Variants in KCNIP4 observed in about 807,000 individuals in gnomAD.
The protein encoded by KCNIP4 is Kv channel-interacting protein 4.
In KCNIP4, 12 loss-of-function variants were observed where a neutral mutation model predicts 34.0. The ratio of observed to expected loss-of-function variants is 0.35; its 90% CI spans 0.23 to 0.57. The LOEUF (loss-of-function observed/expected upper bound fraction) is 0.57. Ranked by LOEUF, KCNIP4 falls within the 20% of genes least tolerant of loss-of-function variation. The pLI is 0.83. For synonymous variants in KCNIP4, 124 were observed against 102.2 expected (o/e 1.21, Z -1.29); for missense variants, 238 against 311.7 (o/e 0.76, Z 1.78).
intron 1 of KCNIP4, among the ~76,000 whole-genome samples, chr4:21,244,591 C>T (rs6448038): frequency 0.47 from 71,150 of 151,982 alleles, 17,868 homozygotes; most frequent in African/African-American, 0.66. Context: ...AAAATGTCTT[C>T]CCAGTTGAAT....
At chr4:21,200,008 A>G (rs985582779) in intron 1 of KCNIP4, among the ~76,000 whole-genome samples, 1 of 151,860 alleles carries the variant, frequency 6.6e-6, no homozygotes. Flanking sequence ...ACCTGGACAC[A>G]GGAAGGGGAA....
chr4:21,179,669 A>G (rs1282880327), intron 1 of KCNIP4, among the ~76,000 whole-genome samples: 1 of 152,224 alleles, frequency 6.6e-6, no homozygotes, highest in East Asian at 1.9e-4. Flanking sequence ...AAATGCATAC[A>G]TGCTATTTCT....
intron 1 of KCNIP4, among the ~76,000 whole-genome samples, chr4:21,808,410 T>C (rs1343465688): frequency 6.6e-6 from 1 of 152,168 alleles, no homozygotes; most frequent in African/African-American, 2.4e-5. Context: ...CACTTCCACT[T>C]AATAAATAGT....
At chr4:21,229,628 C>T (rs903949634) in intron 1 of KCNIP4, among the ~76,000 whole-genome samples, 2 of 152,108 alleles carry the variant, frequency 1.3e-5, no homozygotes, top group African/African-American at 4.8e-5. Context: ...GAGTGTTTTG[C>T]ACTGCATAAT....
chr4:21,093,450 C>CT (rs1747173737), intron 1 of KCNIP4, among the ~76,000 whole-genome samples: 1 of 152,164 alleles, frequency 6.6e-6, no homozygotes, highest in Non-Finnish European at 1.5e-5. Flanking sequence ...AACTTTAACA[C>CT]TGTGCCCCAG....
intron 1 of KCNIP4, among the ~76,000 whole-genome samples, chr4:21,129,520 TCTTCATCCAAG>T (rs1261460429): frequency 6.6e-6 from 1 of 152,206 alleles, no homozygotes; most frequent in Non-Finnish European, 1.5e-5. Context: ...GAACCCATGC[TCTTCATCCAAG>T]CATCATTGTG....
At chr4:21,750,526 TA>T (rs1349432840) in intron 1 of KCNIP4, among the ~76,000 whole-genome samples, 3 of 152,130 alleles carry the variant, frequency 2.0e-5, no homozygotes, top group Non-Finnish European at 2.9e-5. Context: ...ATGGTTTGAC[TA>T]ACAAGTAAAT....
At chr4:21,246,130 A>T (rs1760184139) in intron 1 of KCNIP4, among the ~76,000 whole-genome samples, 1 of 152,158 alleles carries the variant, frequency 6.6e-6, no homozygotes, top group Non-Finnish European at 1.5e-5. Context: ...CAGTCTACAG[A>T]TGGGTCACAG....
chr4:21,020,705 T>A (rs973208135), intron 1 of KCNIP4, among the ~76,000 whole-genome samples: 2 of 152,188 alleles, frequency 1.3e-5, no homozygotes, highest in Admixed American at 6.5e-5. Flanking sequence ...TTTTTCATGA[T>A]CAAGATTATA....
At position 20,920,912 on chromosome 4, in the gene KCNIP4, C is replaced by A. The variant is rs572825823; in HGVS notation, c.62-38203G>T. On this transcript the variant is annotated intron_variant, in intron 1 of 8. Coordinates refer to ENST00000382152, the MANE Select transcript of KCNIP4 (RefSeq NM_025221.6). ...GCTGAGGCAGGAGAATTGCTTGAAC[C>A]CGGGAGGTGGAGTTTGCAGTGAGCC... Among the ~76,000 whole-genome samples the A allele has an allele frequency of 1.1e-4, 16 of 152,138 alleles. No individual in the cohort carries two copies. In the South Asian group the frequency reaches 2.5e-3, roughly 24 times the overall value.
chr4:21,519,027 G>A (rs1735024623), intron 1 of KCNIP4, among the ~76,000 whole-genome samples: 1 of 152,066 alleles, frequency 6.6e-6, no homozygotes, highest in African/African-American at 2.4e-5. Context: ...GCAAACCGAA[G>A]AAAATGGGGC....
At chr4:20,781,553 T>G (rs1756871160) in intron 3 of KCNIP4, among the ~76,000 whole-genome samples, 1 of 152,120 alleles carries the variant, frequency 6.6e-6, no homozygotes. Context: ...TCTTACATGG[T>G]GGCAGCAAGA....
In KCNIP4 at chr4:21,101,910, C is replaced by CT. The variant is rs148488972; in HGVS notation, c.62-219202dup. 3.5e-3 allele frequency among the ~76,000 whole-genome samples: 528 copies of CT among 152,152 alleles called. 1 individual carries two copies. The highest frequency in any genetic ancestry group is 0.012 in the African/African-American group (516 of 41,538). On this transcript the variant is annotated intron_variant, in intron 1 of 8. Coordinates refer to ENST00000382152, the MANE Select transcript of KCNIP4 (RefSeq NM_025221.6). ...ATCTCTAAATGACTGACATTAGCTC[C>CT]TTTTTTTGAGATGTTTCATGGGAGA...
chr4:20,733,737 A>G (rs1001093641), intron 6 of KCNIP4, among the ~76,000 whole-genome samples: 12 of 152,182 alleles, frequency 7.9e-5, no homozygotes, highest in African/African-American at 2.9e-4. Context: ...TATTTAGGAT[A>G]TGCTCCATAT....
rs548680488 is a variant in KCNIP4, at chr4:21,232,589, A to T, written c.62-349880T>A. Among the ~76,000 whole-genome samples the T allele has an allele frequency of 6.6e-5, 10 of 152,272 alleles. No individual in the cohort carries two copies. In the East Asian group the frequency reaches 1.9e-3, roughly 29 times the overall value. ...AACAAATTATTATTGAGAATTTACTATGTATTAGAACACTTCCATAGATCT... is the reference window on the plus strand; with the variant it reads ...AACAAATTATTATTGAGAATTTACTTTGTATTAGAACACTTCCATAGATCT... On this transcript the variant is annotated intron_variant, in intron 1 of 8. Transcript: ENST00000382152.
At chr4:21,801,652 C>A (rs1040646923) in intron 1 of KCNIP4, among the ~76,000 whole-genome samples, 9 of 151,794 alleles carry the variant, frequency 5.9e-5, no homozygotes, top group African/African-American at 2.2e-4. Context: ...TCTGTCACCC[C>A]GGCTGGAGTG....
chr4:21,157,297 T>A (rs944666819), intron 1 of KCNIP4, among the ~76,000 whole-genome samples: 2 of 151,916 alleles, frequency 1.3e-5, no homozygotes, highest in African/African-American at 4.8e-5. Context: ...AAAGATACAA[T>A]AAACAAAACA....
At chr4:21,025,473 TGAGAGAGAGAGAGAGAGAGAGA>T (rs33926876) in intron 1 of KCNIP4, among the ~76,000 whole-genome samples, 2 of 95,112 alleles carry the variant, frequency 2.1e-5, no homozygotes, top group African/African-American at 4.2e-5. Context: ...TGAAAACAAC[TGAGAGAGAGAGAGAGAGAGAGA>T]GAGAGAGAGA....
At chr4:21,674,097 T>C (rs1409616907) in intron 1 of KCNIP4, among the ~76,000 whole-genome samples, 1 of 152,218 alleles carries the variant, frequency 6.6e-6, no homozygotes, top group Non-Finnish European at 1.5e-5. Context: ...AAAACAGATT[T>C]AGAGAGGAGA....
Sources: allele counts gnomAD v4.1 joint callset (sites outside exome capture counted in the v4.1 genomes callset), GRCh38; gene constraint gnomAD v4.1.1; transcripts MANE v1.5; gene names NCBI Gene and HGNC (gene_info 2026-07-23, HGNC 2026-07-21).